The following STRN3 variants were observed in gnomAD, a reference collection of about 807,000 sequenced individuals.
STRN3 encodes striatin-3.
STRN3 carries 29 observed loss-of-function variants against 95.6 expected under a neutral mutation model. The ratio of observed to expected loss-of-function variants is 0.30; its 90% confidence interval spans 0.23 to 0.41. STRN3 has a LOEUF of 0.41. Ranked by LOEUF, STRN3 falls within the 10% of genes least tolerant of loss-of-function variation. The pLI, the probability that STRN3 is intolerant of heterozygous loss-of-function variation, is 1.00. For missense variants in STRN3, 890 were observed against 972.1 expected (o/e 0.92, Z 1.12); for synonymous variants, 331 against 357.6 (o/e 0.93, Z 0.84).
At chr14:30,929,979 A>AAAAAAAACAAAAAAAAAAAC (rs1566441550) in intron 7 of STRN3, among the ~76,000 whole-genome samples, 1 of 147,386 alleles carries the variant, frequency 6.8e-6, no homozygotes, top group Non-Finnish European at 1.5e-5. Flanking sequence ...AAAAAAAAAA[A>AAAAAAAACAAAAAAAAAAAC]CTCAAATTCC....
intron 1 of STRN3, among the ~76,000 whole-genome samples, chr14:30,975,812 T>C (rs1202886274): frequency 7.8e-6 from 1 of 128,184 alleles, no homozygotes; most frequent in Admixed American, 9.6e-5. Flanking sequence ...CCAGCCTGGG[T>C]GACAGAGACA....
chr14:31,000,621 T>C (rs952466052), intron 1 of STRN3, among the ~76,000 whole-genome samples: 1 of 151,824 alleles, frequency 6.6e-6, no homozygotes, highest in African/African-American at 2.4e-5. Context: ...TGATCTTCGG[T>C]AGTGAGGTTA....
chr14:30,921,659 A>G (rs772657736), intron 8 of STRN3, among the ~76,000 whole-genome samples: 2 of 152,184 alleles, frequency 1.3e-5, no homozygotes, highest in African/African-American at 2.4e-5. Context: ...AATATAATAA[A>G]TGCAATGAAA....
In STRN3 at chr14:30,902,207, AAT is replaced by A. The variant is rs201485728; in HGVS notation, c.2137+327_2137+328del. 5.4e-3 allele frequency among the ~76,000 whole-genome samples: 596 copies of A among 111,296 alleles called. 57 individuals are homozygous for A. Among genetic ancestry groups the A allele is most frequent in the South Asian group, 0.022 (74 of 3,430 alleles). 73.0% of individuals were successfully genotyped at this position (111,296 alleles called of 152,430 possible). A position where few individuals can be genotyped will look rare whatever the true frequency, so the allele number is the denominator to read the frequency against. The stretch of plus-strand genomic sequence containing the variant: ...AAAAAAAAAAAAAAAAAAAAAAAAA[AAT>A]GGAAATGCCAAACACCAGAAAGAGA... On this transcript the variant is annotated intron_variant, in intron 16 of 17. Coordinates refer to ENST00000357479, the MANE Select transcript of STRN3 (RefSeq NM_001083893.2).
intron 8 of STRN3, among the ~76,000 whole-genome samples, chr14:30,922,984 A>C (rs1234897996): frequency 6.6e-6 from 1 of 152,228 alleles, no homozygotes; most frequent in Non-Finnish European, 1.5e-5. Context: ...TAAAGCCAGT[A>C]ACATAAAACC....
chr14:30,937,093 G>A (rs896721186), intron 5 of STRN3, among the ~76,000 whole-genome samples: 1 of 152,052 alleles, frequency 6.6e-6, no homozygotes, highest in Non-Finnish European at 1.5e-5. Context: ...GGTGAAGAGG[G>A]GAAGATCGCT....
At chr14:30,940,526 A>G (rs1566447307) in intron 5 of STRN3, among the ~76,000 whole-genome samples, 1 of 152,204 alleles carries the variant, frequency 6.6e-6, no homozygotes, top group Non-Finnish European at 1.5e-5. Flanking sequence ...TTAATTTAAT[A>G]ATGCCTGATT....
intron 1 of STRN3, among the ~76,000 whole-genome samples, chr14:30,972,966 T>C (rs1013604273): frequency 2.0e-5 from 3 of 152,248 alleles, no homozygotes; most frequent in African/African-American, 7.2e-5. Flanking sequence ...CCTAACACTT[T>C]GGGAAGACAA....
intron 5 of STRN3, among the ~76,000 whole-genome samples, chr14:30,945,595 G>A (rs557801327): frequency 9.9e-5 from 15 of 152,168 alleles, no homozygotes; most frequent in Admixed American, 9.2e-4. Flanking sequence ...AATGGAGTAA[G>A]ACCCTGTCTC....
chr14:30,956,336 T>G, intron 1 of STRN3, 94 bp from the exon 2 acceptor site: 2 of 1,121,410 alleles, frequency 1.8e-6, no homozygotes, highest in Non-Finnish European at 2.6e-6. Context: ...CTGTTGCACT[T>G]GACTCATGAT....
intron 1 of STRN3, among the ~76,000 whole-genome samples, chr14:30,990,897 C>G (rs953945197): frequency 6.6e-6 from 1 of 152,092 alleles, no homozygotes; most frequent in Non-Finnish European, 1.5e-5. Flanking sequence ...AGTACAGATG[C>G]AACAGTCCTT....
chr14:30,917,392 G>A lies in STRN3; in HGVS notation c.1240+1574C>T, dbSNP rs575132627. On this transcript the variant is annotated intron_variant, in intron 9 of 17. Coordinates refer to ENST00000357479, the MANE Select transcript of STRN3 (RefSeq NM_001083893.2). ...GCTTTTTCCGTTAAGTCATTGGTTT[G>A]AAACATTTAAAAGGGTCCACATTGC... Among the ~76,000 whole-genome samples the A allele has an allele frequency of 1.1e-4, 16 of 152,196 alleles. 2 individuals are homozygous for A. The South Asian group carries it at 3.1e-3, about 30-fold the overall frequency.
In STRN3 at chr14:30,986,215, A is replaced by G. The variant is rs79217275; in HGVS notation, c.283-29973T>C. The stretch of plus-strand genomic sequence containing the variant: ...GTGTGAGGGACAGGTATGCTTCTAA[A>G]ATGCTGAGAACAACCAAAGCAGATC... On this transcript the variant is annotated intron_variant, in intron 1 of 17. Transcript: ENST00000357479. 9.6e-3 allele frequency among the ~76,000 whole-genome samples: 1,456 copies of G among 152,328 alleles called. 25 individuals are homozygous for G. Among genetic ancestry groups the G allele is most frequent in the African/African-American group, 0.033 (1,354 of 41,574 alleles).
chr14:30,992,565 TAAAAAAAAAAA>T (rs58987293), intron 1 of STRN3, among the ~76,000 whole-genome samples: 1 of 94,072 alleles, frequency 1.1e-5, no homozygotes, highest in Non-Finnish European at 2.0e-5. Context: ...CCTGTCTCTT[TAAAAAAAAAAA>T]AAAAAAAAAA....
chr14:30,936,379 C>A, intron 6 of STRN3, 116 bp downstream of exon 6: 2 of 1,222,192 alleles, frequency 1.6e-6, no homozygotes, highest in South Asian at 1.6e-5. Flanking sequence ...AAACTTTTAA[C>A]CAATATGTAA....
chr14:31,014,864 G>A (rs1012314609), intron 1 of STRN3: 2 of 391,150 alleles, frequency 5.1e-6, no homozygotes, highest in South Asian at 1.9e-5. Context: ...GCTGCAGTCT[G>A]TCACCCAGGC....
chr14:30,911,420 G>C (rs999888457), intron 12 of STRN3, among the ~76,000 whole-genome samples: 2 of 150,408 alleles, frequency 1.3e-5, no homozygotes, highest in African/African-American at 4.9e-5. Flanking sequence ...TCCTGCCTCA[G>C]CCTACTGAGT....
At chr14:30,967,836 G>A (rs1198674992) in intron 1 of STRN3, among the ~76,000 whole-genome samples, 1 of 152,174 alleles carries the variant, frequency 6.6e-6, no homozygotes, top group African/African-American at 2.4e-5. Flanking sequence ...TTCCTAACAG[G>A]AGATTGAAAT....
At chr14:30,969,605 T>C (rs1880723683) in intron 1 of STRN3, among the ~76,000 whole-genome samples, 1 of 152,158 alleles carries the variant, frequency 6.6e-6, no homozygotes, top group Non-Finnish European at 1.5e-5. Flanking sequence ...AAATATAAAA[T>C]GGTTGTTTGG....
Sources: allele counts gnomAD v4.1 joint callset (sites outside exome capture counted in the v4.1 genomes callset), GRCh38; gene constraint gnomAD v4.1.1; transcripts MANE v1.5; gene names NCBI Gene and HGNC (gene_info 2026-07-23, HGNC 2026-07-21).